Variants in LTBP1 observed in about 807,000 individuals in gnomAD.
LTBP1 encodes latent-transforming growth factor beta-binding protein 1.
Under a neutral mutation model 207.6 loss-of-function variants are expected in LTBP1, and 129 were observed. The ratio of observed to expected loss-of-function variants is 0.62; its 90% CI spans 0.54 to 0.72. LTBP1 has a LOEUF of 0.72. Ranked by LOEUF, LTBP1 falls within the 30% of genes least tolerant of loss-of-function variation. LTBP1 has a pLI of 0.00. For missense variants in LTBP1, 2,281 were observed against 2,217.2 expected (o/e 1.03, Z -0.58); for synonymous variants, 963 against 833.7 (o/e 1.16, Z -2.67).
chr2:33,387,097 A>G (rs1038127482), intron 31 of LTBP1, among the ~76,000 whole-genome samples: 1 of 152,142 alleles, frequency 6.6e-6, no homozygotes, highest in Non-Finnish European at 1.5e-5. Context: ...GTCATGAGCC[A>G]CCATGCCCGG....
At chr2:33,341,512 C>T (rs1409463890) in intron 24 of LTBP1, among the ~76,000 whole-genome samples, 3 of 151,740 alleles carry the variant, frequency 2.0e-5, no homozygotes, top group African/African-American at 7.3e-5. Context: ...GAGATTGAGA[C>T]CATCCTGGCT....
At chr2:33,259,556 G>T in intron 12 of LTBP1, 32 bp from the exon 13 acceptor site, 4 of 1,551,364 alleles carry the variant, frequency 2.6e-6, no homozygotes, top group Non-Finnish European at 3.5e-6. Context: ...GTCTTAAATG[G>T]TACTAATACC....
intron 31 of LTBP1, among the ~76,000 whole-genome samples, chr2:33,376,539 C>G (rs1472150842): frequency 6.6e-6 from 1 of 152,222 alleles, no homozygotes; most frequent in African/African-American, 2.4e-5. Context: ...TGAGTCTGCC[C>G]TGCCCACCAT....
intron 31 of LTBP1, among the ~76,000 whole-genome samples, chr2:33,371,528 G>C (rs1037312343): frequency 6.6e-6 from 1 of 152,196 alleles, no homozygotes; most frequent in Admixed American, 6.5e-5. Flanking sequence ...GTCATTGTTT[G>C]ATCTTGCTGA....
intron 2 of LTBP1, among the ~76,000 whole-genome samples, chr2:32,953,334 T>C (rs1389124719): frequency 6.6e-6 from 1 of 152,012 alleles, no homozygotes; most frequent in African/African-American, 2.4e-5. Context: ...AACTTGGGAG[T>C]CGAGCCCAGA....
At chr2:33,116,873 C>T (rs752044846) in intron 4 of LTBP1, among the ~76,000 whole-genome samples, 10 of 152,104 alleles carry the variant, frequency 6.6e-5, no homozygotes, top group Admixed American at 2.6e-4. Context: ...AATAAGCAAC[C>T]GTAGAAGTGA....
chr2:33,130,015 A>G (rs2081674331), intron 4 of LTBP1, among the ~76,000 whole-genome samples: 1 of 152,216 alleles, frequency 6.6e-6, no homozygotes, highest in Admixed American at 6.5e-5. Context: ...AGGAACACAG[A>G]GCAGTCTATG....
intron 7 of LTBP1, among the ~76,000 whole-genome samples, chr2:33,207,640 C>T (rs2089983961): frequency 1.3e-5 from 2 of 152,222 alleles, no homozygotes; most frequent in Admixed American, 6.5e-5. Context: ...GCCTGTTACC[C>T]AGCCAGTTCT....
chr2:33,280,939 G>A (rs995331628), intron 19 of LTBP1, among the ~76,000 whole-genome samples: 3 of 152,120 alleles, frequency 2.0e-5, no homozygotes, highest in African/African-American at 7.2e-5. Context: ...GCTTCGTGGG[G>A]TGTGTGCCTG....
chr2:33,071,556 G>A (rs2077788903), intron 3 of LTBP1, among the ~76,000 whole-genome samples: 1 of 152,128 alleles, frequency 6.6e-6, no homozygotes, highest in South Asian at 2.1e-4. Flanking sequence ...AGGAACAGGG[G>A]GAAGGGAAGC....
intron 24 of LTBP1, among the ~76,000 whole-genome samples, chr2:33,320,418 G>T (rs1215839531): frequency 6.6e-6 from 1 of 151,556 alleles, no homozygotes; most frequent in Non-Finnish European, 1.5e-5. Context: ...AAAAGAAAAG[G>T]TAGAGCACAA....
chr2:33,394,398 A>G (rs2095341841), intron 32 of LTBP1, among the ~76,000 whole-genome samples: 1 of 152,166 alleles, frequency 6.6e-6, no homozygotes, highest in Non-Finnish European at 1.5e-5. Context: ...GGTATTGCCT[A>G]GGTTTTATTC....
intron 31 of LTBP1, among the ~76,000 whole-genome samples, chr2:33,388,781 C>T (rs1048962109): frequency 2.6e-4 from 39 of 151,638 alleles, no homozygotes; most frequent in African/African-American, 7.8e-4. Context: ...AGCGAAAAAG[C>T]ACCTCTCTGT....
chr2:33,024,898 AG>A (rs1178874770), intron 3 of LTBP1, among the ~76,000 whole-genome samples: 1 of 152,224 alleles, frequency 6.6e-6, no homozygotes, highest in African/African-American at 2.4e-5. Context: ...AGCAGTCAGC[AG>A]GGGTGGCAGT....
intron 2 of LTBP1, among the ~76,000 whole-genome samples, chr2:32,999,543 T>C (rs1430458852): frequency 1.5e-5 from 2 of 133,904 alleles, no homozygotes; most frequent in Non-Finnish European, 3.3e-5. Flanking sequence ...CATCCCAGAA[T>C]GTGACCCCAC....
intron 25 of LTBP1, among the ~76,000 whole-genome samples, chr2:33,346,449 C>T (rs562808653): frequency 6.6e-6 from 1 of 152,000 alleles, no homozygotes; most frequent in Admixed American, 6.6e-5. Flanking sequence ...TTTGGGAGGC[C>T]GAGGCAGGCG....
intron 31 of LTBP1, among the ~76,000 whole-genome samples, chr2:33,388,482 A>G (rs2095286696): frequency 6.6e-6 from 1 of 152,200 alleles, no homozygotes; most frequent in Non-Finnish European, 1.5e-5. Context: ...CACTGGTAAA[A>G]TGGAGATGGT....
intron 3 of LTBP1, among the ~76,000 whole-genome samples, chr2:33,036,335 G>A (rs2075917955): frequency 6.6e-6 from 1 of 152,070 alleles, no homozygotes; most frequent in Admixed American, 6.5e-5. Flanking sequence ...ATTAAAGCTG[G>A]GGATTCTTTT....
At chr2:33,352,157 A>G (rs1216520929) in intron 26 of LTBP1, among the ~76,000 whole-genome samples, 1 of 151,934 alleles carries the variant, frequency 6.6e-6, no homozygotes, top group Non-Finnish European at 1.5e-5. Context: ...TTTGAGATGG[A>G]GTCTTGCTCT....
Sources: allele counts gnomAD v4.1 joint callset (sites outside exome capture counted in the v4.1 genomes callset), GRCh38; gene constraint gnomAD v4.1.1; transcripts MANE v1.5; gene names NCBI Gene and HGNC (gene_info 2026-07-23, HGNC 2026-07-21).